SLC12A2: variants seen among roughly 807,000 people sequenced by gnomAD.
The protein encoded by SLC12A2 is solute carrier family 12 member 2.
A neutral mutation model predicts 136.3 loss-of-function variants in SLC12A2; 67 were observed. That is an observed-to-expected ratio of 0.49 (90% CI 0.40 to 0.60). The LOEUF is 0.60. Among genes scored for constraint, SLC12A2 ranks in the 20% least tolerant of loss-of-function variants. The probability of loss-of-function intolerance (pLI) is 0.00; values close to 1 mark genes in which losing one functional copy is unlikely to be tolerated. For synonymous variants in SLC12A2, 619 were observed against 562.9 expected, an observed-to-expected ratio of 1.10 and a Z score of -1.41; for missense variants, 1,322 against 1,534.7, an observed-to-expected ratio of 0.86 and a Z score of 2.32.
intron 14 of SLC12A2, among the ~76,000 whole-genome samples, chr5:128,151,817 A>T (rs530127076): frequency 6.6e-6 from 1 of 152,272 alleles, no homozygotes; most frequent in South Asian, 2.1e-4. Flanking sequence ...AACTGGAGTG[A>T]GTACCATGGA....
chr5:128,126,966 A>ATATATATATATATATATATTTT, intron 4 of SLC12A2, among the ~76,000 whole-genome samples: 5 of 21,156 alleles, frequency 2.4e-4, no homozygotes, highest in African/African-American at 7.5e-4. Context: ...ATATATATAT[A>ATATATATATATATATATATTTT]TTTTTTTTTT....
chr5:128,174,591 G>T lies in SLC12A2; in HGVS notation c.2854G>T (p.Val952Leu), dbSNP rs1243205749. ...EKSPGTKDVV[V>L]SVEYSKKSDL... is the part of the protein sequence containing the mutation. ...ATCTCCTGGCACCAAGGATGTGGTA[G>T]TAAGTGTGGAATATAGTAAAAAGTC... Residue 952 changes from valine to leucine, a missense_variant, in exon 20 of 27, where the codon GTA becomes TTA. Val to Leu is a conservative substitution (Grantham distance 32, BLOSUM62 1). Coordinates refer to ENST00000262461, the MANE Select transcript of SLC12A2 (RefSeq NM_001046.3). The T allele has an allele frequency of 1.2e-6, 2 of 1,608,994 alleles. No individual in the cohort carries two copies. The highest frequency in any genetic ancestry group is 2.7e-5 in the African/African-American group (2 of 74,792).
chr5:128,164,864 T>C, intron 17 of SLC12A2, among the ~76,000 whole-genome samples: 1 of 144,218 alleles, frequency 6.9e-6, no homozygotes, highest in South Asian at 2.1e-4. Context: ...TTTTTTTTTT[T>C]GGAGACAGAA....
At chr5:128,144,759 G>A (rs1762476937) in intron 10 of SLC12A2, among the ~76,000 whole-genome samples, 1 of 151,990 alleles carries the variant, frequency 6.6e-6, no homozygotes, top group Non-Finnish European at 1.5e-5. Context: ...GAATGCACCT[G>A]TGGTTTATTT....
At chr5:128,113,018 G>T (rs748427517) in intron 2 of SLC12A2, 85 bp downstream of exon 2, 14 of 1,232,352 alleles carry the variant, frequency 1.1e-5, no homozygotes, top group Non-Finnish European at 1.5e-5. Context: ...GTTCTCAAGA[G>T]AACTCTTTTT....
At chr5:128,132,476 C>A (rs1762056302) in intron 5 of SLC12A2, among the ~76,000 whole-genome samples, 1 of 152,132 alleles carries the variant, frequency 6.6e-6, no homozygotes, top group Non-Finnish European at 1.5e-5. Flanking sequence ...ATGGATAACA[C>A]AGGACAGTTT....
At chr5:128,114,145 A>G (rs1761258150) in intron 2 of SLC12A2, 67 bp from the exon 3 acceptor site, 1 of 1,148,528 alleles carries the variant, frequency 8.7e-7, no homozygotes. Context: ...TGACTGGTTT[A>G]ATGCTTACTA....
chr5:128,113,059 T>C (rs542787179), intron 2 of SLC12A2, 126 bp downstream of exon 2: 3 of 719,812 alleles, frequency 4.2e-6, no homozygotes, highest in East Asian at 6.2e-5. Context: ...ATCTGAGTGC[T>C]GTGGAAAACC....
At chr5:128,179,948 CTTTTTTTTTTTTTTTTTTTTTTTT>C (rs70997365) in intron 22 of SLC12A2, among the ~76,000 whole-genome samples, 5 of 50,482 alleles carry the variant, frequency 9.9e-5, no homozygotes, top group Admixed American at 5.3e-4. Flanking sequence ...CCAATCGTTC[CTTTTTTTTTTTTTTTTTTTTTTTT>C]TTTTTTTTTT....
At chr5:128,087,834 C>G (rs1393329712) in intron 1 of SLC12A2, among the ~76,000 whole-genome samples, 5 of 151,988 alleles carry the variant, frequency 3.3e-5, no homozygotes, top group Admixed American at 3.3e-4. Context: ...AAGAAGCTGA[C>G]TTGTAGATTT....
chr5:128,158,480 A>G (rs961975236), intron 16 of SLC12A2, among the ~76,000 whole-genome samples: 1 of 152,164 alleles, frequency 6.6e-6, no homozygotes, highest in Admixed American at 6.5e-5. Flanking sequence ...GTGTTAGTTC[A>G]CTTAGGATAA....
chr5:128,175,204 C>T (rs958796179), intron 20 of SLC12A2, among the ~76,000 whole-genome samples: 13 of 152,022 alleles, frequency 8.6e-5, no homozygotes, highest in Non-Finnish European at 1.6e-4. Flanking sequence ...ACTTTTGATT[C>T]CTGCAAAATA....
At chr5:128,176,437 T>C (rs1384745944) in intron 20 of SLC12A2, among the ~76,000 whole-genome samples, 1 of 151,956 alleles carries the variant, frequency 6.6e-6, no homozygotes, top group African/African-American at 2.4e-5. Flanking sequence ...CAAGCTTGTA[T>C]TAAGGGAACA....
chr5:128,137,251 C>T (rs913351271), intron 7 of SLC12A2, among the ~76,000 whole-genome samples: 37 of 152,124 alleles, frequency 2.4e-4, no homozygotes, highest in African/African-American at 8.9e-4. Context: ...TAATTTTTCT[C>T]CTTACTATAA....
chr5:128,172,468 C>G (rs1045035362), intron 19 of SLC12A2, among the ~76,000 whole-genome samples: 1 of 152,224 alleles, frequency 6.6e-6, no homozygotes, highest in African/African-American at 2.4e-5. Flanking sequence ...AGATACAGAA[C>G]TGTTCTGTCA....
At chr5:128,178,965 G>A (rs1763618410) in intron 22 of SLC12A2, among the ~76,000 whole-genome samples, 1 of 152,028 alleles carries the variant, frequency 6.6e-6, no homozygotes, top group South Asian at 2.1e-4. Context: ...AATTTGAAGT[G>A]CTAGTTAATG....
Position 128,084,113 on chromosome 5 carries a change from C to T in SLC12A2, c.159C>T (p.Gly53=), listed in dbSNP as rs777947401. ...PEDAAPASRD[G]GGVRDEGPAA... ...ATGCTGCGCCCGCGAGCCGGGACGG[C>T]GGCGGGGTCCGCGATGAGGGCCCCG... is the stretch of plus-strand genomic sequence containing the variant. The change falls in exon 1 of 27, where the codon GGC becomes GGT. Residue 53 remains glycine (G), a synonymous_variant. Coordinates refer to ENST00000262461, the MANE Select transcript of SLC12A2 (RefSeq NM_001046.3). This position sits in a 1 kb window ranked among gnomAD's most constrained non-coding sequence, Gnocchi z 5.6. 10 of 1,306,922 alleles carry T rather than the reference C, an allele frequency of 7.7e-6. No homozygotes were observed. Among genetic ancestry groups the T allele is most frequent in the African/African-American group, 1.5e-5 (1 of 64,840 alleles). 81.0% of individuals were successfully genotyped at this position (1,306,922 alleles called of 1,614,324 possible).
At chr5:128,104,740 A>G (rs1333813962) in intron 1 of SLC12A2, among the ~76,000 whole-genome samples, 1 of 151,866 alleles carries the variant, frequency 6.6e-6, no homozygotes, top group Non-Finnish European at 1.5e-5. Context: ...CACTATAGCA[A>G]TTCTTCTTTA....
chr5:128,118,215 T>G lies in SLC12A2; in HGVS notation c.1048+3534T>G, dbSNP rs140037218. Among the ~76,000 whole-genome samples the G allele has an allele frequency of 3.9e-3, 597 of 152,262 alleles. 4 individuals are homozygous for G. Among genetic ancestry groups the G allele is most frequent in the African/African-American group, 0.014 (574 of 41,554 alleles). ...TTGATACAGCAGTCTTCCTGCTGGG[T>G]AATCTACCCAAACAAAGGAAAATAA... On this transcript the variant is annotated intron_variant, in intron 4 of 26. Transcript: ENST00000262461.
Sources: allele counts gnomAD v4.1 joint callset (sites outside exome capture counted in the v4.1 genomes callset), GRCh38; gene constraint gnomAD v4.1.1; non-coding constraint Gnocchi (gnomAD v3.1); transcripts MANE v1.5; gene names NCBI Gene and HGNC (gene_info 2026-07-23, HGNC 2026-07-21).